Variants in CHCHD3 observed in about 807,000 individuals in gnomAD.
CHCHD3 encodes the protein coiled-coil-helix-coiled-coil-helix domain containing 3.
In CHCHD3, 20 loss-of-function variants were observed where a neutral mutation model predicts 38.2. That is an observed-to-expected ratio of 0.52 (90% confidence interval 0.37 to 0.76). The LOEUF is 0.76. Ranked by LOEUF, CHCHD3 falls within the 30% of genes least tolerant of loss-of-function variation. The pLI, the probability that CHCHD3 is intolerant of heterozygous loss-of-function variation, is 0.00. For synonymous variants in CHCHD3, 82 were observed against 100.0 expected (o/e 0.82, Z 1.07); for missense variants, 245 against 279.2 (o/e 0.88, Z 0.87).
chr7:132,842,370 A>C (rs1236312457), intron 5 of CHCHD3, among the ~76,000 whole-genome samples: 3 of 152,138 alleles, frequency 2.0e-5, no homozygotes, highest in Non-Finnish European at 4.4e-5. Context: ...AAATAGGCAA[A>C]AGATTCCCAT....
rs766172635 is a variant in CHCHD3, at chr7:133,035,548, T to C, written c.170-10921A>G. On this transcript the variant is annotated intron_variant, in intron 2 of 7. Coordinates refer to ENST00000262570, the MANE Select transcript of CHCHD3 (RefSeq NM_017812.4). The surrounding 1 kb of genome is among the most constrained non-coding windows in gnomAD (Gnocchi z 4.7). ...TCCTTTGCATTCTCAGTGGCCTGTTTGTTGTGGTGCATGATGCCCAAGGTG... is the reference window on the plus strand; with the variant it reads ...TCCTTTGCATTCTCAGTGGCCTGTTCGTTGTGGTGCATGATGCCCAAGGTG... 7 of 1,613,520 alleles carry C rather than the reference T, an allele frequency of 4.3e-6. No individual in the cohort carries two copies. The highest frequency in any genetic ancestry group is 2.2e-5 in the East Asian group (1 of 44,882).
intron 3 of CHCHD3, among the ~76,000 whole-genome samples, chr7:132,998,620 C>G (rs1446380058): frequency 6.6e-6 from 1 of 152,170 alleles, no homozygotes; most frequent in Non-Finnish European, 1.5e-5. Context: ...AATGGGTAGT[C>G]TAGCTTCAAG....
At position 132,785,547 on chromosome 7, in the gene CHCHD3, T is replaced by G. The variant is rs970024172; in HGVS notation, c.*90A>C. ...TTAGTGGTCTTCTCATTAGTGGTCTTCTCTTCAAATGGGTTGTTTTCTCAC... is the reference window on the plus strand; with the variant it reads ...TTAGTGGTCTTCTCATTAGTGGTCTGCTCTTCAAATGGGTTGTTTTCTCAC... On this transcript the variant is annotated 3_prime_UTR_variant, in exon 8 of 8. Transcript: ENST00000262570. 26 of 1,280,784 alleles carry G rather than the reference T, an allele frequency of 2.0e-5. No homozygotes were observed. Among genetic ancestry groups the G allele is most frequent in the Non-Finnish European group, 2.5e-5 (22 of 881,266 alleles). 79.3% of individuals were successfully genotyped at this position (1,280,784 alleles called of 1,614,324 possible). A position where few individuals can be genotyped will look rare whatever the true frequency, so the allele number is the denominator to read the frequency against.
chr7:132,960,367 G>A (rs1328206774), intron 4 of CHCHD3, among the ~76,000 whole-genome samples: 1 of 152,178 alleles, frequency 6.6e-6, no homozygotes, highest in African/African-American at 2.4e-5. Flanking sequence ...GTGCAAGATG[G>A]AGAGACACAG....
At chr7:132,973,616 C>T in intron 4 of CHCHD3, 25 of 1,008,640 alleles carry the variant, frequency 2.5e-5, no homozygotes, top group Non-Finnish European at 3.0e-5. Flanking sequence ...GGTCTACCAC[C>T]TCTATTCTGG....
At chr7:132,796,386 G>A (rs1232744523) in intron 7 of CHCHD3, 56 bp downstream of exon 7, 1 of 1,603,456 alleles carries the variant, frequency 6.2e-7, no homozygotes, top group African/African-American at 1.3e-5. Context: ...CACTGCCCCA[G>A]GTCATCCAGT....
Position 133,037,610 on chromosome 7 carries a change from C to T in CHCHD3, c.170-12983G>A, listed in dbSNP as rs185924096. 2.9e-3 allele frequency among the ~76,000 whole-genome samples: 437 copies of T among 152,160 alleles called. 1 individual carries two copies. Among genetic ancestry groups the T allele is most frequent in the Admixed American group, 5.9e-3 (90 of 15,282 alleles). On this transcript the variant is annotated intron_variant, in intron 2 of 7. Transcript: ENST00000262570. ...GGCGGATCACCTGAGGTCAGGAGTT[C>T]GAGACCGGCCTGGCCAACATGGTGA...
chr7:132,899,941 T>C (rs1809622282), intron 4 of CHCHD3, among the ~76,000 whole-genome samples: 1 of 152,240 alleles, frequency 6.6e-6, no homozygotes, highest in Non-Finnish European at 1.5e-5. Context: ...GTGTATGTTC[T>C]TCTGCCAAAC....
chr7:133,018,519 GTTT>G (rs1294331760), intron 3 of CHCHD3, among the ~76,000 whole-genome samples: 1 of 152,014 alleles, frequency 6.6e-6, no homozygotes, highest in Non-Finnish European at 1.5e-5. Flanking sequence ...TCCCTGAAAA[GTTT>G]TTTTAATTAC....
intron 6 of CHCHD3, among the ~76,000 whole-genome samples, chr7:132,824,566 G>A (rs751295970): frequency 2.6e-5 from 4 of 152,024 alleles, no homozygotes; most frequent in Non-Finnish European, 4.4e-5. Flanking sequence ...TGCCTGCCTC[G>A]GCCTCCCAAA....
chr7:132,970,538 G>C (rs1811587956), intron 4 of CHCHD3, among the ~76,000 whole-genome samples: 2 of 152,134 alleles, frequency 1.3e-5, no homozygotes, highest in Non-Finnish European at 2.9e-5. Context: ...TAAGTAGCAT[G>C]GCTCTATAAC....
At chr7:132,821,814 C>T (rs1435319658) in intron 6 of CHCHD3, among the ~76,000 whole-genome samples, 3 of 136,536 alleles carry the variant, frequency 2.2e-5, no homozygotes, top group Non-Finnish European at 3.0e-5. Context: ...GGACTGCGGA[C>T]TGCAGTGGCG....
In CHCHD3 at chr7:133,035,333, G is replaced by C; in HGVS notation, c.170-10706C>G. ...CCAAGACAGCCCGGAACTGGGGCTGGTTAATGCAGGTGAGGAACCAGCGGT... is the reference window on the plus strand; with the variant it reads ...CCAAGACAGCCCGGAACTGGGGCTGCTTAATGCAGGTGAGGAACCAGCGGT... On this transcript the variant is annotated intron_variant, in intron 2 of 7. Coordinates refer to ENST00000262570, the MANE Select transcript of CHCHD3 (RefSeq NM_017812.4). The surrounding 1 kb of genome is among the most constrained non-coding windows in gnomAD (Gnocchi z 4.7). 1.2e-6 allele frequency: 2 copies of C among 1,610,696 alleles called. No homozygotes were observed. The highest frequency in any genetic ancestry group is 1.7e-6 in the Non-Finnish European group (2 of 1,176,926).
intron 7 of CHCHD3, among the ~76,000 whole-genome samples, chr7:132,793,384 A>G (rs1224897378): frequency 6.6e-6 from 1 of 152,254 alleles, no homozygotes; most frequent in Non-Finnish European, 1.5e-5. Flanking sequence ...GCTGTATCTC[A>G]TACAGCCAGC....
chr7:132,857,647 A>T (rs923859823), intron 5 of CHCHD3, among the ~76,000 whole-genome samples: 8 of 152,154 alleles, frequency 5.3e-5, no homozygotes, highest in Non-Finnish European at 1.2e-4. Flanking sequence ...ACCTCAGGTG[A>T]TCAGCCTGCC....
At chr7:133,048,297 T>C (rs1030691864) in intron 2 of CHCHD3, among the ~76,000 whole-genome samples, 2 of 152,202 alleles carry the variant, frequency 1.3e-5, no homozygotes, top group African/African-American at 4.8e-5. Flanking sequence ...AATATGCACA[T>C]ATAACTTGAA....
intron 4 of CHCHD3, among the ~76,000 whole-genome samples, chr7:132,963,471 A>C (rs1172455123): frequency 6.6e-6 from 1 of 151,590 alleles, no homozygotes; most frequent in Non-Finnish European, 1.5e-5. Flanking sequence ...CTCTACTAAA[A>C]ATACAAAAAA....
intron 5 of CHCHD3, among the ~76,000 whole-genome samples, chr7:132,840,556 C>T (rs1807915283): frequency 6.6e-6 from 1 of 152,142 alleles, no homozygotes; most frequent in African/African-American, 2.4e-5. Context: ...TTCCAGTGTT[C>T]CTAACCCATC....
intron 2 of CHCHD3, among the ~76,000 whole-genome samples, chr7:133,043,462 C>T (rs1444290798): frequency 6.6e-6 from 1 of 151,920 alleles, no homozygotes; most frequent in South Asian, 2.1e-4. Context: ...GCCATCATGG[C>T]GAAACTCCGT....
Sources: allele counts gnomAD v4.1 joint callset (sites outside exome capture counted in the v4.1 genomes callset), GRCh38; gene constraint gnomAD v4.1.1; non-coding constraint Gnocchi (gnomAD v3.1); transcripts MANE v1.5; gene names NCBI Gene and HGNC (gene_info 2026-07-23, HGNC 2026-07-21).